PTPN4: variants seen among roughly 807,000 people sequenced by gnomAD.
The protein encoded by PTPN4 is tyrosine-protein phosphatase non-receptor type 4.
Under a neutral mutation model 135.5 loss-of-function variants are expected in PTPN4, and 49 were observed. The ratio of observed to expected loss-of-function variants is 0.36; its 90% confidence interval spans 0.29 to 0.46. The LOEUF (loss-of-function observed/expected upper bound fraction) is 0.46. Ranked by LOEUF, PTPN4 falls within the 20% of genes least tolerant of loss-of-function variation. The probability of loss-of-function intolerance (pLI) is 1.00; values close to 1 mark genes in which losing one functional copy is unlikely to be tolerated. For missense variants in PTPN4, 860 were observed against 1,101.0 expected (o/e 0.78, Z 3.10); for synonymous variants, 333 against 369.9 (o/e 0.90, Z 1.14).
At chr2:119,790,979 C>T (rs1691134254) in intron 1 of PTPN4, among the ~76,000 whole-genome samples, 1 of 152,148 alleles carries the variant, frequency 6.6e-6, no homozygotes, top group South Asian at 2.1e-4. Context: ...CTTTGTATTA[C>T]TGTCACACAA....
At chr2:119,874,523 A>G (rs1214484933) in intron 3 of PTPN4, among the ~76,000 whole-genome samples, 2 of 152,196 alleles carry the variant, frequency 1.3e-5, no homozygotes, top group African/African-American at 4.8e-5. Context: ...ACAAAAGGCA[A>G]CCTGTTGTAT....
Position 119,854,191 on chromosome 2 carries a change from G to A in PTPN4, c.139-8345G>A, listed in dbSNP as rs370951993. 9.2e-5 allele frequency among the ~76,000 whole-genome samples: 14 copies of A among 152,084 alleles called. 1 individual carries two copies. The highest frequency in any genetic ancestry group is 2.1e-4 in the South Asian group (1 of 4,828). ...CAGGTCTCCATGATGTCCTGCACAC[G>A]CGGAGTCATCTGGAGGCAGCCATGA... On this transcript the variant is annotated intron_variant, in intron 2 of 26. Coordinates refer to ENST00000263708, the MANE Select transcript of PTPN4 (RefSeq NM_002830.4).
At chr2:119,818,354 G>A (rs1160510875) in intron 2 of PTPN4, among the ~76,000 whole-genome samples, 3 of 152,250 alleles carry the variant, frequency 2.0e-5, no homozygotes, top group Middle Eastern at 3.2e-3. Context: ...AACATAGTGA[G>A]TGAAATGTAG....
chr2:119,793,284 C>T (rs981458998), intron 1 of PTPN4, among the ~76,000 whole-genome samples: 7 of 152,160 alleles, frequency 4.6e-5, no homozygotes. Context: ...AAGAATTCAG[C>T]GATGTTTCTC....
intron 1 of PTPN4, among the ~76,000 whole-genome samples, chr2:119,770,496 T>C (rs1317074823): frequency 6.6e-6 from 1 of 152,238 alleles, no homozygotes; most frequent in South Asian, 2.1e-4. Flanking sequence ...ACTACTTTTA[T>C]TTTTTGTATA....
intron 2 of PTPN4, among the ~76,000 whole-genome samples, chr2:119,849,023 G>A (rs909245079): frequency 6.6e-6 from 1 of 152,004 alleles, no homozygotes; most frequent in African/African-American, 2.4e-5. Context: ...TTTCATGACA[G>A]GTATTTTTGT....
intron 1 of PTPN4, among the ~76,000 whole-genome samples, chr2:119,777,579 A>G (rs542330782): frequency 6.6e-6 from 1 of 152,270 alleles, no homozygotes; most frequent in South Asian, 2.1e-4. Flanking sequence ...CATTTATCTA[A>G]TTGCCTAACA....
At chr2:119,923,257 C>A (rs544249795) in intron 12 of PTPN4, among the ~76,000 whole-genome samples, 2 of 151,902 alleles carry the variant, frequency 1.3e-5, no homozygotes, top group Non-Finnish European at 1.5e-5. Context: ...ACCTGTAGTC[C>A]TAACTACTCA....
In PTPN4 at chr2:119,765,892, TTGTC is replaced by T. The variant is rs1690605601; in HGVS notation, c.-18+5512_-18+5515del. On this transcript the variant is annotated intron_variant, in intron 1 of 26. Transcript: ENST00000263708. ...TCTGTCTCTGTCTGGGTGGGTGTGG[TTGTC>T]TGTTCCTGTGTGTGAATCTGTGTGT... Among the ~76,000 whole-genome samples, 4 of 149,580 alleles carry T rather than the reference TTGTC, an allele frequency of 2.7e-5. No homozygotes were observed. The South Asian group carries it at 8.6e-4, about 32-fold the overall frequency.
intron 1 of PTPN4, among the ~76,000 whole-genome samples, chr2:119,785,604 T>A (rs1691032766): frequency 6.6e-6 from 1 of 152,198 alleles, no homozygotes; most frequent in Non-Finnish European, 1.5e-5. Flanking sequence ...TTTTGTTTTT[T>A]AATTATTTTT....
intron 26 of PTPN4, among the ~76,000 whole-genome samples, chr2:119,968,495 T>TG (rs1679476634): frequency 6.6e-6 from 1 of 152,174 alleles, no homozygotes; most frequent in Non-Finnish European, 1.5e-5. Flanking sequence ...CATAAAAACT[T>TG]GCATTGCAGC....
chr2:119,969,670 T>A (rs952090000), intron 26 of PTPN4, among the ~76,000 whole-genome samples: 1 of 148,504 alleles, frequency 6.7e-6, no homozygotes, highest in Non-Finnish European at 1.5e-5. Flanking sequence ...ACCATTCTGC[T>A]GCCTCAGCCT....
At chr2:119,892,862 C>A (rs1342610749) in intron 9 of PTPN4, among the ~76,000 whole-genome samples, 1 of 151,402 alleles carries the variant, frequency 6.6e-6, no homozygotes, top group Non-Finnish European at 1.5e-5. Flanking sequence ...GCTGGGACCA[C>A]AGGCATGTGT....
intron 1 of PTPN4, among the ~76,000 whole-genome samples, chr2:119,779,842 T>C (rs969417092): frequency 1.3e-5 from 2 of 152,166 alleles, no homozygotes; most frequent in African/African-American, 4.8e-5. Context: ...TTTCCCAGGC[T>C]CAAGTGATCC....
intron 15 of PTPN4, among the ~76,000 whole-genome samples, chr2:119,935,347 G>T (rs1202806159): frequency 6.6e-6 from 1 of 152,132 alleles, no homozygotes; most frequent in Non-Finnish European, 1.5e-5. Flanking sequence ...TATGTAGATA[G>T]GTAAGAAGAT....
intron 10 of PTPN4, among the ~76,000 whole-genome samples, chr2:119,901,725 A>G (rs1206491273): frequency 6.6e-6 from 1 of 152,242 alleles, no homozygotes; most frequent in African/African-American, 2.4e-5. Context: ...GGAAAAGTAT[A>G]TGGAAAAAGT....
At chr2:119,951,593 C>A (rs998931281) in intron 18 of PTPN4, among the ~76,000 whole-genome samples, 2 of 152,132 alleles carry the variant, frequency 1.3e-5, no homozygotes, top group Non-Finnish European at 2.9e-5. Context: ...ACGGTAAATG[C>A]ACTGTGGTAA....
intron 9 of PTPN4, among the ~76,000 whole-genome samples, chr2:119,895,325 T>C (rs553767112): frequency 6.6e-6 from 1 of 152,158 alleles, no homozygotes; most frequent in Non-Finnish European, 1.5e-5. Context: ...AGTAGAGAGG[T>C]CAGAACATTT....
At chr2:119,916,394 G>A (rs1311766627) in intron 11 of PTPN4, 1 of 152,068 alleles carries the variant, frequency 6.6e-6, no homozygotes, top group African/African-American at 2.4e-5. Flanking sequence ...GAAAGTCTTT[G>A]AATCAGCTCT....
Sources: gnomAD v4.1 joint callset for allele counts (sites outside exome capture counted in the v4.1 genomes callset) on GRCh38, gnomAD v4.1.1 for gene constraint, MANE v1.5 for transcripts, NCBI Gene and HGNC (gene_info 2026-07-23, HGNC 2026-07-21) for gene names.